Variants in DGKA observed in about 807,000 individuals in gnomAD.
The protein encoded by DGKA is diacylglycerol kinase alpha.
DGKA carries 35 observed loss-of-function variants against 105.0 expected under a neutral mutation model. That is an observed-to-expected ratio of 0.33 (90% CI 0.25 to 0.44). The LOEUF (loss-of-function observed/expected upper bound fraction) is 0.44. Among genes scored for constraint, DGKA ranks in the 20% least tolerant of loss-of-function variants. The probability of loss-of-function intolerance (pLI) is 1.00; values close to 1 mark genes in which losing one functional copy is unlikely to be tolerated. For synonymous variants in DGKA, 296 were observed against 332.0 expected (o/e 0.89, Z 1.18); for missense variants, 665 against 915.0 (o/e 0.73, Z 3.53).
At chr12:55,930,515 T>C, upstream of DGKA, 1 of 152,506 alleles carries the variant, frequency 6.6e-6, no homozygotes, top group Non-Finnish European at 1.5e-5. Context: ...TACAGGCATG[T>C]GCCACCACGC....
At chr12:55,937,146 G>T in intron 3 of DGKA, 56 bp downstream of exon 3, 1 of 1,584,516 alleles carries the variant, frequency 6.3e-7, no homozygotes, top group South Asian at 1.1e-5. Context: ...CTTTGTTTTT[G>T]ATCCCCAACT....
At chr12:55,941,612 A>G (rs754618599) in intron 15 of DGKA, 28 bp downstream of exon 15, 2 of 1,610,026 alleles carry the variant, frequency 1.2e-6, no homozygotes, top group Non-Finnish European at 1.7e-6. Context: ...ACTGTATCAC[A>G]GTGTTTTCGT....
chr12:55,936,795 T>C (rs955671428), intron 2 of DGKA: 17 of 814,840 alleles, frequency 2.1e-5, no homozygotes, highest in Non-Finnish European at 3.4e-5. Context: ...CTCGGCTCTC[T>C]ACCCACCTTC....
chr12:55,936,002 A>AC, intron 1 of DGKA: 1 of 989,586 alleles, frequency 1.0e-6, no homozygotes, highest in Non-Finnish European at 1.2e-6. Flanking sequence ...ACTGCCGAAG[A>AC]CCCGAGATGG....
intron 17 of DGKA, among the ~76,000 whole-genome samples, chr12:55,944,607 G>T (rs1222991538): frequency 6.6e-6 from 1 of 152,186 alleles, no homozygotes; most frequent in Non-Finnish European, 1.5e-5. Flanking sequence ...CCTGTTTGCA[G>T]TAGTCCAGAC....
At chr12:55,936,677 T>C (rs909845015) in intron 2 of DGKA, 110 bp downstream of exon 2, 1 of 1,437,374 alleles carries the variant, frequency 7.0e-7, no homozygotes, top group African/African-American at 1.4e-5. Context: ...TTGAGCAGTG[T>C]GCTGCTCAGA....
chr12:55,952,647 TG>T lies in DGKA; in HGVS notation c.1744-85del. 6.7e-7 allele frequency: 1 copy of T among 1,483,122 alleles called. No individual in the cohort carries two copies. Among genetic ancestry groups the T allele is most frequent in the Non-Finnish European group, 9.4e-7 (1 of 1,069,264 alleles). 91.9% of individuals were successfully genotyped at this position (1,483,122 alleles called of 1,614,324 possible). On this transcript the variant is annotated intron_variant, in intron 20 of 23. Coordinates refer to ENST00000331886, the MANE Select transcript of DGKA (RefSeq NM_001345.5). This position sits in a 1 kb window ranked among gnomAD's most constrained non-coding sequence, Gnocchi z 5.1. ...ATCCTGCCTTCTCCAGTTTGTCATC[TG>T]GTGGAGGGAGCGATCACATCTATGA...
Position 55,952,491 on chromosome 12 carries a change from C to T in DGKA, c.1743+60C>T. The stretch of plus-strand genomic sequence containing the variant: ...CAGCTTCTTAATAGCCAAGTTTCTC[C>T]CTCCATGGCACCCTTAGGAACTTCC... On this transcript the variant is annotated intron_variant, in intron 20 of 23. Coordinates refer to ENST00000331886, the MANE Select transcript of DGKA (RefSeq NM_001345.5). The surrounding 1 kb of genome is among the most constrained non-coding windows in gnomAD (Gnocchi z 5.1). The T allele has an allele frequency of 6.6e-7, 1 of 1,520,536 alleles. No individual in the cohort carries two copies. The highest frequency in any genetic ancestry group is 1.1e-5 in the South Asian group (1 of 88,952). 94.2% of individuals were successfully genotyped at this position (1,520,536 alleles called of 1,614,324 possible).
Position 55,953,741 on chromosome 12 carries a change from C to T in DGKA, c.2181C>T (p.Ser727=). Residue 727 remains serine (S), a synonymous_variant, in exon 24 of 24, where the codon TCC becomes TCT. Transcript: ENST00000331886. ...MPMLMGPPPR[S]TNFFGFLS Reference sequence around the variant, plus strand: ...TGCTCATGGGCCCACCCCCCCGCTCCACCAATTTCTTTGGCTTCTTGAGCT... The same window carrying T: ...TGCTCATGGGCCCACCCCCCCGCTCTACCAATTTCTTTGGCTTCTTGAGCT... 2 of 1,614,172 alleles carry T rather than the reference C, an allele frequency of 1.2e-6. No individual in the cohort carries two copies. The highest frequency in any genetic ancestry group is 1.3e-5 in the African/African-American group (1 of 75,046).
intron 17 of DGKA, among the ~76,000 whole-genome samples, chr12:55,944,051 T>C (rs1886525155): frequency 6.6e-6 from 1 of 152,182 alleles, no homozygotes; most frequent in Non-Finnish European, 1.5e-5. Context: ...ATCCCAACAC[T>C]TTGGGAGGCC....
chr12:55,939,768 A>G (rs528885302), intron 9 of DGKA: 25 of 591,990 alleles, frequency 4.2e-5, no homozygotes, highest in Non-Finnish European at 6.9e-5. Flanking sequence ...GTGCATGCAC[A>G]TACTATAAAA....
chr12:55,949,704 G>A (rs778877998), intron 17 of DGKA, among the ~76,000 whole-genome samples: 2 of 152,118 alleles, frequency 1.3e-5, no homozygotes, highest in Non-Finnish European at 2.9e-5. Flanking sequence ...TTTAATTATG[G>A]TTCTTGAAAT....
chr12:55,937,375 G>A, intron 3 of DGKA, 33 bp from the exon 4 acceptor site: 1 of 1,606,418 alleles, frequency 6.2e-7, no homozygotes. Context: ...TGACCTTGCA[G>A]ACTCCCCAGG....
intron 6 of DGKA, 40 bp from the exon 7 acceptor site, chr12:55,938,875 A>G (rs1242592713): frequency 6.2e-7 from 1 of 1,612,002 alleles, no homozygotes; most frequent in South Asian, 1.1e-5. Context: ...TGGTGGTAGT[A>G]AAGGGGATAT....
Position 55,951,782 on chromosome 12 carries a change from T to C in DGKA, c.1586T>C (p.Val529Ala). 4 of 1,612,114 alleles carry C rather than the reference T, an allele frequency of 2.5e-6. No individual in the cohort carries two copies. Among genetic ancestry groups the C allele is most frequent in the Non-Finnish European group, 3.4e-6 (4 of 1,179,450 alleles). Reference sequence around the variant, plus strand: ...ATCAATAACTACTTCTCTATTGGCGTGGTCAGTGGAATGGGGCCTGGGGAG... The same window carrying C: ...ATCAATAACTACTTCTCTATTGGCGCGGTCAGTGGAATGGGGCCTGGGGAG... ...QIINNYFSIGVDASIAHRFHI... is the reference protein window; with the variant it reads ...QIINNYFSIGADASIAHRFHI... The change falls in exon 18 of 24, where the codon GTG becomes GCG. Residue 529 changes from valine to alanine, a missense_variant and splice_region_variant. This residue lies in a region of DGKA where 504 missense variants were observed against 681.2 expected (regional missense o/e 0.74). Transcript: ENST00000331886.
chr12:55,928,386 A>G (rs1033716170), upstream of DGKA: 4 of 152,292 alleles, frequency 2.6e-5, no homozygotes, highest in Non-Finnish European at 4.4e-5. Context: ...CATTTAAAAA[A>G]CAAAACAAAA....
In DGKA at chr12:55,952,406, A is replaced by C; in HGVS notation, c.1718A>C (p.Lys573Thr). ...TSESIFSTCK[K>T]LEESLTVEIC... is the part of the protein sequence containing the mutation. ...GAATCCATCTTCTCAACATGCAAAA[A>C]GCTGGAGGAGTCTTTGACAGTTGAG... The change falls in exon 20 of 24, where the codon AAG becomes ACG. Residue 573 changes from lysine (K) to threonine (T), a missense_variant. Physicochemically the swap from Lys to Thr is moderately conservative, Grantham distance 78 (BLOSUM62 -1). Coordinates refer to ENST00000331886, the MANE Select transcript of DGKA (RefSeq NM_001345.5). This position sits in a 1 kb window ranked among gnomAD's most constrained non-coding sequence, Gnocchi z 5.1. 6.2e-7 allele frequency: 1 copy of C among 1,614,198 alleles called. No homozygotes were observed. Among genetic ancestry groups the C allele is most frequent in the Non-Finnish European group, 8.5e-7 (1 of 1,180,032 alleles).
chr12:55,927,833 G>T (rs757626441), upstream of DGKA: 3 of 1,508,948 alleles, frequency 2.0e-6, no homozygotes, highest in East Asian at 5.0e-5. Flanking sequence ...CGGCGCCGGG[G>T]ATTCGGCGGC....
Position 55,941,980 on chromosome 12 carries a change from C to A in DGKA, c.1251-18C>A. ...GTCCTGTTATCCTTCTTCATATTCTCTCTCCCCTTTGTCTCAGGCTCCGAT... is the reference window on the plus strand; with the variant it reads ...GTCCTGTTATCCTTCTTCATATTCTATCTCCCCTTTGTCTCAGGCTCCGAT... On this transcript the variant is annotated intron_variant, in intron 15 of 23. Coordinates refer to ENST00000331886, the MANE Select transcript of DGKA (RefSeq NM_001345.5). The A allele has an allele frequency of 1.2e-6, 2 of 1,613,666 alleles. No homozygotes were observed. Among genetic ancestry groups the A allele is most frequent in the Non-Finnish European group, 1.7e-6 (2 of 1,179,678 alleles).
Sources: allele counts gnomAD v4.1 joint callset (sites outside exome capture counted in the v4.1 genomes callset), GRCh38; gene constraint gnomAD v4.1.1; regional missense constraint gnomAD v4.1.1; non-coding constraint Gnocchi (gnomAD v3.1); transcripts MANE v1.5; gene names NCBI Gene and HGNC (gene_info 2026-07-23, HGNC 2026-07-21).